SIDT2: variants seen among roughly 807,000 people sequenced by gnomAD.
The protein encoded by SIDT2 is SID1 transmembrane family, member 2.
A neutral mutation model predicts 114.4 loss-of-function variants in SIDT2; 68 were observed. The observed-to-expected ratio is 0.59, with a 90% CI of 0.49 to 0.73. The LOEUF is 0.73. Ranked by LOEUF, SIDT2 falls within the 30% of genes least tolerant of loss-of-function variation. The probability of loss-of-function intolerance (pLI) is 0.00; values close to 1 mark genes in which losing one functional copy is unlikely to be tolerated. For missense variants in SIDT2, 918 were observed against 1,097.1 expected, an observed-to-expected ratio of 0.84 and a Z score of 2.31; for synonymous variants, 470 against 438.4, an observed-to-expected ratio of 1.07 and a Z score of -0.90.
At chr11:117,193,062 ACATCATAATAAAACATG>A in intron 22 of SIDT2, 74 bp from the exon 23 acceptor site, 1 of 1,438,066 alleles carries the variant, frequency 7.0e-7, no homozygotes, top group South Asian at 1.1e-5. Context: ...ACACAGCCCA[ACATCATAATAAAACATG>A]CCTAGGCAGG....
rs556934429 is a variant in SIDT2, at chr11:117,192,745, G to T, written c.2059-75G>T. ...GGCTGAGGACCCAGGGGAGAGTGGG[G>T]ACCAGCTGGCTGGGCCTTCTTCCAC... is the stretch of plus-strand genomic sequence containing the variant. On this transcript the variant is annotated intron_variant, in intron 21 of 25. Coordinates refer to ENST00000324225, the MANE Select transcript of SIDT2 (RefSeq NM_001040455.2). This position sits in a 1 kb window ranked among gnomAD's most constrained non-coding sequence, Gnocchi z 5.9. The T allele has an allele frequency of 6.2e-7, 1 of 1,611,556 alleles. No individual in the cohort carries two copies. Among genetic ancestry groups the T allele is most frequent in the East Asian group, 2.2e-5 (1 of 44,820 alleles).
chr11:117,184,869 G>A (rs1277670768), intron 8 of SIDT2, among the ~76,000 whole-genome samples: 1 of 152,062 alleles, frequency 6.6e-6, no homozygotes, highest in African/African-American at 2.4e-5. Context: ...GGGATTACAG[G>A]CACCTGCCGC....
chr11:117,186,982 TC>T (rs1319185940), intron 10 of SIDT2: 2 of 1,456,034 alleles, frequency 1.4e-6, no homozygotes, highest in Admixed American at 4.1e-5. Flanking sequence ...TGGGACCTTC[TC>T]TCTTAGCTTC....
rs550150455 is a variant in SIDT2, at chr11:117,192,508, A to C, written c.1982-66A>C. 14 of 1,577,404 alleles carry C rather than the reference A, an allele frequency of 8.9e-6. No individual in the cohort carries two copies. The African/African-American group carries it at 1.7e-4, about 20-fold the overall frequency. ...ATCAGGCCTGGGCTCCTCAGCTGGCACATCCCAGGGGTCCAGCAAAGGAGG... is the reference window on the plus strand; with the variant it reads ...ATCAGGCCTGGGCTCCTCAGCTGGCCCATCCCAGGGGTCCAGCAAAGGAGG... On this transcript the variant is annotated intron_variant, in intron 20 of 25. Coordinates refer to ENST00000324225, the MANE Select transcript of SIDT2 (RefSeq NM_001040455.2). This position sits in a 1 kb window ranked among gnomAD's most constrained non-coding sequence, Gnocchi z 5.9.
In SIDT2 at chr11:117,195,892, A is replaced by G. The variant is rs2030878991; in HGVS notation, c.2413A>G (p.Ile805Val). ...CGACATCTGGCACTTCCTCTCCTCCATCGCCATGTTCGGGTCCTTCCTGGT... is the reference window on the plus strand; with the variant it reads ...CGACATCTGGCACTTCCTCTCCTCCGTCGCCATGTTCGGGTCCTTCCTGGT... Reference protein sequence around the residue: ...DHDIWHFLSSIAMFGSFLVLL... With the variant: ...DHDIWHFLSSVAMFGSFLVLL... The change falls in exon 25 of 26, where the codon ATC becomes GTC. Residue 805 changes from isoleucine (I) to valine (V), a missense_variant. Around this residue, in one of 4 missense-constraint regions of SIDT2, gnomAD observed 275 missense variants for 397.6 expected, o/e 0.69. Coordinates refer to ENST00000324225, the MANE Select transcript of SIDT2 (RefSeq NM_001040455.2). The G allele has an allele frequency of 1.2e-6, 2 of 1,614,200 alleles. No individual in the cohort carries two copies. Among genetic ancestry groups the G allele is most frequent in the Non-Finnish European group, 1.7e-6 (2 of 1,180,040 alleles).
intron 2 of SIDT2, 101 bp from the exon 3 acceptor site, chr11:117,181,706 G>C (rs2030292482): frequency 3.2e-6 from 5 of 1,581,292 alleles, no homozygotes; most frequent in Non-Finnish European, 4.3e-6. Flanking sequence ...CTCGCAGGGA[G>C]GTGGTGGAGA....
In SIDT2 at chr11:117,188,592, C is replaced by T. The variant is rs935398992; in HGVS notation, c.1160-116C>T. On this transcript the variant is annotated intron_variant, in intron 12 of 25. Coordinates refer to ENST00000324225, the MANE Select transcript of SIDT2 (RefSeq NM_001040455.2). This position sits in a 1 kb window ranked among gnomAD's most constrained non-coding sequence, Gnocchi z 4.0. ...CTTCCACCCCAACTCTGAGGCCCAG[C>T]CCACAATTTGCCTCTTCCCTACTGC... The T allele has an allele frequency of 6.6e-6, 5 of 761,310 alleles. No homozygotes were observed. The highest frequency in any genetic ancestry group is 1.1e-5 in the Non-Finnish European group (5 of 437,730). The allele number at this position is 761,310 out of a possible 1,614,324, so 47.2% of individuals were successfully genotyped here.
intron 1 of SIDT2, among the ~76,000 whole-genome samples, chr11:117,180,591 A>G (rs1204505694): frequency 7.7e-6 from 1 of 130,024 alleles, no homozygotes; most frequent in Non-Finnish European, 1.5e-5. Flanking sequence ...GCTGAAGTGC[A>G]GTTTTGTGAT....
chr11:117,182,847 G>C (rs191714481), intron 6 of SIDT2, 41 bp downstream of exon 6: 4 of 1,589,056 alleles, frequency 2.5e-6, no homozygotes, highest in Non-Finnish European at 2.6e-6. Context: ...GTGGCTGGGC[G>C]ATAAGCTGTG....
chr11:117,180,202 C>G (rs12419178), intron 1 of SIDT2, among the ~76,000 whole-genome samples: 2 of 152,214 alleles, frequency 1.3e-5, no homozygotes, highest in South Asian at 4.1e-4. Flanking sequence ...CTGCCGTTTA[C>G]TGAGAAGCAA....
intron 8 of SIDT2, among the ~76,000 whole-genome samples, chr11:117,185,049 C>CTCTCT (rs1555036674): frequency 7.4e-6 from 1 of 135,528 alleles, no homozygotes. Context: ...CTCTCTCTCT[C>CTCTCT]TTTTTTTTTT....
rs756340700 is a variant in SIDT2, at chr11:117,195,817, T to G, written c.2338T>G (p.Ser780Ala). Reference protein sequence around the residue: ...LSTWQKTPAESREHNRDCILL... With the variant: ...LSTWQKTPAEAREHNRDCILL... ...GCTCCCCAAGAAAACCCCTGCAGAG[T>G]CGAGGGAGCACAACCGGGACTGCAT... The change falls in exon 25 of 26, where the codon TCG (serine) becomes GCG (alanine). Residue 780 changes from serine (S) to alanine (A), a missense_variant. This residue lies in a region of SIDT2 where 275 missense variants were observed against 397.6 expected (regional missense o/e 0.69). Coordinates refer to ENST00000324225, the MANE Select transcript of SIDT2 (RefSeq NM_001040455.2). The G allele has an allele frequency of 6.2e-7, 1 of 1,613,734 alleles. No individual in the cohort carries two copies. The highest frequency in any genetic ancestry group is 2.2e-5 in the East Asian group (1 of 44,844).
In SIDT2 at chr11:117,192,742, G is replaced by T; in HGVS notation, c.2059-78G>T. The T allele has an allele frequency of 6.2e-7, 1 of 1,611,036 alleles. No homozygotes were observed. ...CTGGGCTGAGGACCCAGGGGAGAGT[G>T]GGGACCAGCTGGCTGGGCCTTCTTC... On this transcript the variant is annotated intron_variant, in intron 21 of 25. Transcript: ENST00000324225. This position sits in a 1 kb window ranked among gnomAD's most constrained non-coding sequence, Gnocchi z 5.9.
At position 117,187,368 on chromosome 11, in the gene SIDT2, C is replaced by A. The variant is rs1472976834; in HGVS notation, c.1016-10C>A. On this transcript the variant is annotated splice_polypyrimidine_tract_variant and intron_variant, in intron 10 of 25. Coordinates refer to ENST00000324225, the MANE Select transcript of SIDT2 (RefSeq NM_001040455.2). ...GTCCAGTGCTAACAGACCTTGACTT[C>A]TCATTGCAGGTCACCCTCGAGTCCT... is the stretch of plus-strand genomic sequence containing the variant. 6.2e-7 allele frequency: 1 copy of A among 1,613,578 alleles called. No homozygotes were observed. The highest frequency in any genetic ancestry group is 1.1e-5 in the South Asian group (1 of 91,070).
chr11:117,190,012 C>T lies in SIDT2; in HGVS notation c.1480C>T (p.Leu494=), dbSNP rs761170068. Residue 494 remains leucine, a synonymous_variant, in exon 16 of 26, where the codon CTG becomes TTG. Transcript: ENST00000324225. This position sits in a 1 kb window ranked among gnomAD's most constrained non-coding sequence, Gnocchi z 4.1. ...CYYNFLCAHP[L]GNLSAFNNIL... ...CTACAACTTCCTCTGCGCCCACCCA[C>T]TGGGCAATCTCAGGTGGGGGTCATG... 2.5e-6 allele frequency: 4 copies of T among 1,614,078 alleles called. No individual in the cohort carries two copies. The highest frequency in any genetic ancestry group is 3.4e-6 in the Non-Finnish European group (4 of 1,180,036).
At chr11:117,183,172 C>T (rs1565284797) in intron 6 of SIDT2, among the ~76,000 whole-genome samples, 2 of 151,992 alleles carry the variant, frequency 1.3e-5, no homozygotes, top group Non-Finnish European at 2.9e-5. Flanking sequence ...GCTGAAACCC[C>T]GTCTCTACTA....
intron 6 of SIDT2, among the ~76,000 whole-genome samples, chr11:117,183,372 C>G (rs2030371728): frequency 6.7e-6 from 1 of 150,028 alleles, no homozygotes; most frequent in Admixed American, 6.7e-5. Context: ...GGCGCAGTGG[C>G]TCACGCCTGT....
Position 117,192,229 on chromosome 11 carries a change from G to A in SIDT2, c.1873-25G>A, listed in dbSNP as rs764993738. The A allele has an allele frequency of 6.6e-7, 1 of 1,513,622 alleles. No homozygotes were observed. Among genetic ancestry groups the A allele is most frequent in the Non-Finnish European group, 9.2e-7 (1 of 1,088,898 alleles). The allele number at this position is 1,513,622 out of a possible 1,614,324, so 93.8% of individuals were successfully genotyped here. On this transcript the variant is annotated intron_variant, in intron 19 of 25. Transcript: ENST00000324225. The surrounding 1 kb of genome is among the most constrained non-coding windows in gnomAD (Gnocchi z 5.9). ...AGCCACTTCCCTCTCCACCCTCACC[G>A]CTGCCCTTGGTGGCCTCCCGACAGG...
At chr11:117,183,388 C>A (rs1393630731) in intron 6 of SIDT2, among the ~76,000 whole-genome samples, 1 of 148,316 alleles carries the variant, frequency 6.7e-6, no homozygotes, top group Admixed American at 6.8e-5. Context: ...CCTGTAATCC[C>A]ACACTTCGGG....
Sources: allele counts gnomAD v4.1 joint callset (sites outside exome capture counted in the v4.1 genomes callset), GRCh38; gene constraint gnomAD v4.1.1; regional missense constraint gnomAD v4.1.1; non-coding constraint Gnocchi (gnomAD v3.1); transcripts MANE v1.5; gene names NCBI Gene and HGNC (gene_info 2026-07-23, HGNC 2026-07-21).